Variants in MYT1 observed in about 807,000 individuals in gnomAD.
The protein encoded by MYT1 is myelin transcription factor 1, also known as myelin transcription factor I.
A neutral mutation model predicts 123.0 loss-of-function variants in MYT1; 23 were observed. The observed-to-expected ratio is 0.19, with a 90% CI of 0.13 to 0.26. MYT1 has a LOEUF of 0.26. Among genes scored for constraint, MYT1 ranks in the 10% least tolerant of loss-of-function variants. The pLI is 1.00. For missense variants in MYT1, 1,125 were observed against 1,472.5 expected, an observed-to-expected ratio of 0.76 and a Z score of 3.86; for synonymous variants, 518 against 575.3, an observed-to-expected ratio of 0.90 and a Z score of 1.43.
chr20:64,198,937 C>A (rs2295450), intron 3 of MYT1, 21 bp downstream of exon 3: 198,410 of 1,612,212 alleles, frequency 0.12, 12,926 homozygotes, highest in Non-Finnish European at 0.14. Context: ...CCCTCCCCTC[C>A]TCCAGGGCTG....
intron 1 of MYT1, among the ~76,000 whole-genome samples, chr20:64,169,979 C>T (rs967264211): frequency 6.9e-6 from 1 of 145,524 alleles, no homozygotes; most frequent in Admixed American, 6.8e-5. Flanking sequence ...ACCCAGCCTT[C>T]CTGCCGAGTG....
chr20:64,215,759 G>GTTT (rs5842445), intron 10 of MYT1, among the ~76,000 whole-genome samples: 1 of 139,982 alleles, frequency 7.1e-6, no homozygotes, highest in Admixed American at 7.1e-5. Flanking sequence ...TTTTTTTTGC[G>GTTT]TTTTTTTTTT....
chr20:64,204,887 G>T, intron 4 of MYT1, 148 bp from the exon 5 acceptor site: 1 of 684,082 alleles, frequency 1.5e-6, no homozygotes. Context: ...TTTGAATGGG[G>T]CGAGTTATTA....
rs1984071830 is a variant in MYT1, at chr20:64,223,426, G to A, written c.2528+67G>A. ...CCTCGCTTTGCTCTCCTTCCATGAG[G>A]CTCCTGCCAAAATCAGCCTTCTCCA... On this transcript the variant is annotated intron_variant, in intron 16 of 22. Transcript: ENST00000328439. 1.9e-6 allele frequency: 3 copies of A among 1,561,786 alleles called. No homozygotes were observed. In the South Asian group the frequency reaches 3.3e-5, roughly 17 times the overall value.
rs775854305 is a variant in MYT1, at chr20:64,208,039, GGAGGAGGAAGAGGAA to G, written c.852_866del (p.Glu302_Glu306del). 1.3e-4 allele frequency: 203 copies of G among 1,600,016 alleles called. 5 individuals carry two copies. In the East Asian group the frequency reaches 4.5e-3, roughly 35 times the overall value. Reference sequence around the variant, plus strand: ...AGGATGAAGAAGAGGAAGAGGAAGAGGAGGAGGAAGAGGAAGAGGAGGAGGAGGAAGAGGAAGAGG... The same window carrying G: ...AGGATGAAGAAGAGGAAGAGGAAGAGGAGGAGGAGGAGGAAGAGGAAGAGG... On this transcript the variant is annotated inframe_deletion, in exon 7 of 23. Coordinates refer to ENST00000328439, the MANE Select transcript of MYT1 (RefSeq NM_004535.3). The surrounding 1 kb of genome is among the most constrained non-coding windows in gnomAD (Gnocchi z 5.4).
rs958583172 is a variant in MYT1, at chr20:64,192,394, G to C, written c.-1+2234G>C. On this transcript the variant is annotated intron_variant, in intron 2 of 22. Coordinates refer to ENST00000328439, the MANE Select transcript of MYT1 (RefSeq NM_004535.3). The surrounding 1 kb of genome is among the most constrained non-coding windows in gnomAD (Gnocchi z 5.3). ...GACTAAGAGGCTGAGGAGGGTGGCA[G>C]CAGAGGGCATAAGCCGTGGTCACAG... is the stretch of plus-strand genomic sequence containing the variant. Among the ~76,000 whole-genome samples the C allele has an allele frequency of 4.6e-5, 7 of 152,220 alleles. No homozygotes were observed. Among genetic ancestry groups the C allele is most frequent in the African/African-American group, 1.4e-4 (6 of 41,456 alleles).
intron 12 of MYT1, 90 bp from the exon 13 acceptor site, chr20:64,219,623 T>A (rs564595399): frequency 2.5e-6 from 3 of 1,183,560 alleles, no homozygotes; most frequent in Admixed American, 2.0e-5. Flanking sequence ...GAACCAGTGT[T>A]CTGGACTCTG....
intron 18 of MYT1, among the ~76,000 whole-genome samples, chr20:64,230,112 G>C (rs1268571588): frequency 6.6e-6 from 1 of 152,206 alleles, no homozygotes; most frequent in Non-Finnish European, 1.5e-5. Flanking sequence ...GTGAGAAAGA[G>C]AACATACCTG....
rs922325997 is a variant in MYT1, at chr20:64,241,519, T to C, written c.*1071T>C. 1 of 152,574 alleles carries C rather than the reference T, an allele frequency of 6.6e-6. No individual in the cohort carries two copies. The highest frequency in any genetic ancestry group is 2.4e-5 in the African/African-American group (1 of 41,448). The allele number at this position is 152,574 out of a possible 1,614,324, so 9.5% of individuals were successfully genotyped here. A position where few individuals can be genotyped will look rare whatever the true frequency, so the allele number is the denominator to read the frequency against. ...GAGAAATTGCACTTCCTGGAAAAAA[T>C]TAAAAAGTAGTTAGTTTAATTATTC... On this transcript the variant is annotated 3_prime_UTR_variant, in exon 23 of 23. Transcript: ENST00000328439. This position sits in a 1 kb window ranked among gnomAD's most constrained non-coding sequence, Gnocchi z 4.2.
chr20:64,211,370 A>G (rs767607908), intron 8 of MYT1, 30 bp downstream of exon 8: 1 of 1,587,140 alleles, frequency 6.3e-7, no homozygotes, highest in Non-Finnish European at 8.6e-7. Flanking sequence ...GTTAGCCCTA[A>G]CTGTGAAGCT....
At chr20:64,234,009 G>A (rs1601725564) in intron 19 of MYT1, among the ~76,000 whole-genome samples, 4 of 152,340 alleles carry the variant, frequency 2.6e-5, no homozygotes, top group Admixed American at 2.6e-4. Flanking sequence ...TCTGGCATGG[G>A]CAGCTGGCAT....
rs1033572609 is a variant in MYT1, at chr20:64,208,130, A to T, written c.934A>T (p.Ile312Phe). Residue 312 changes from isoleucine (I) to phenylalanine (F), a missense_variant, in exon 7 of 23, where the codon ATC (isoleucine) becomes TTC (phenylalanine). Physicochemically the swap from Ile to Phe is conservative, Grantham distance 21 (BLOSUM62 0). Transcript: ENST00000328439. This position sits in a 1 kb window ranked among gnomAD's most constrained non-coding sequence, Gnocchi z 5.4. Reference sequence around the variant, plus strand: ...GGAGGAGGAGGCAGCTCCTGATGTGATCTTTCAGGAAGACACCTCTCACAC... The same window carrying T: ...GGAGGAGGAGGCAGCTCCTGATGTGTTCTTTCAGGAAGACACCTCTCACAC... ...EEEEEAAPDV[I>F]FQEDTSHTSA... is the part of the protein sequence containing the mutation. 5.0e-6 allele frequency: 8 copies of T among 1,612,266 alleles called. No homozygotes were observed. In the African/African-American group the frequency reaches 8.0e-5, roughly 16 times the overall value.
In MYT1 at chr20:64,208,475, T is replaced by C. The variant is rs758591644; in HGVS notation, c.1279T>C (p.Tyr427His). 1.2e-6 allele frequency: 2 copies of C among 1,602,092 alleles called. No homozygotes were observed. Among genetic ancestry groups the C allele is most frequent in the African/African-American group, 2.7e-5 (2 of 74,734 alleles). ...AKPLDTVRKSYYSKDPSRAEK... is the reference protein window; with the variant it reads ...AKPLDTVRKSHYSKDPSRAEK... ...GCCCCTGGACACTGTGCGGAAGAGT[T>C]ACTACAGTAAAGGTAGGGCTCAGGG... The change falls in exon 7 of 23, where the codon TAC (tyrosine) becomes CAC (histidine). Residue 427 changes from tyrosine (Y) to histidine (H), a missense_variant. Tyr to His is a moderately conservative substitution (Grantham distance 83). Transcript: ENST00000328439. This position sits in a 1 kb window ranked among gnomAD's most constrained non-coding sequence, Gnocchi z 5.4.
intron 5 of MYT1, 129 bp from the exon 6 acceptor site, chr20:64,205,424 T>C: frequency 1.4e-6 from 2 of 1,407,248 alleles, no homozygotes; most frequent in Non-Finnish European, 1.9e-6. Context: ...TTGTCCGGGT[T>C]CCCTGCAAGG....
intron 1 of MYT1, among the ~76,000 whole-genome samples, chr20:64,177,038 A>T (rs1982478470): frequency 1.3e-5 from 2 of 152,238 alleles, no homozygotes; most frequent in South Asian, 4.1e-4. Context: ...TTTTAAGGAA[A>T]CACTTCTTTG....
At position 64,218,397 on chromosome 20, in the gene MYT1, A is replaced by T. The variant is rs1452285984; in HGVS notation, c.1847-514A>T. On this transcript the variant is annotated intron_variant, in intron 11 of 22. Transcript: ENST00000328439. This position sits in a 1 kb window ranked among gnomAD's most constrained non-coding sequence, Gnocchi z 4.0. ...ATAATGTTACTTTTTTAAGGCAGTG[A>T]TGGTTACCGGGGACACCAAGTCAGC... Among the ~76,000 whole-genome samples the T allele has an allele frequency of 6.6e-6, 1 of 152,180 alleles. No individual in the cohort carries two copies. The highest frequency in any genetic ancestry group is 1.5e-5 in the Non-Finnish European group (1 of 68,044).
chr20:64,201,121 A>G (rs73161103), intron 4 of MYT1, among the ~76,000 whole-genome samples: 13,867 of 152,310 alleles, frequency 0.091, 816 homozygotes, highest in South Asian at 0.14. Flanking sequence ...AGTGAGGCAC[A>G]GGAGTTGAGG....
intron 1 of MYT1, among the ~76,000 whole-genome samples, chr20:64,173,031 A>C (rs1005955210): frequency 6.6e-6 from 1 of 152,042 alleles, no homozygotes; most frequent in Non-Finnish European, 1.5e-5. Context: ...TCCTGGCCTC[A>C]TACCCTCTTA....
At chr20:64,180,172 C>T (rs187672282) in intron 1 of MYT1, among the ~76,000 whole-genome samples, 72 of 152,130 alleles carry the variant, frequency 4.7e-4, no homozygotes, top group Non-Finnish European at 8.2e-4. Context: ...TACACAGTTA[C>T]ATGCATGCTC....
Sources: gnomAD v4.1 joint callset for allele counts (sites outside exome capture counted in the v4.1 genomes callset) on GRCh38, gnomAD v4.1.1 for gene constraint, Gnocchi (gnomAD v3.1) non-coding constraint, MANE v1.5 for transcripts, NCBI Gene and HGNC (gene_info 2026-07-23, HGNC 2026-07-21) for gene names.